Variants in TNFRSF11B observed in about 807,000 individuals in gnomAD.
TNFRSF11B encodes the protein tumor necrosis factor receptor superfamily member 11B.
Under a neutral mutation model 43.4 loss-of-function variants are expected in TNFRSF11B, and 16 were observed. That is an observed-to-expected ratio of 0.37 (90% CI 0.25 to 0.56). The LOEUF is 0.56. Ranked by LOEUF, TNFRSF11B falls within the 20% of genes least tolerant of loss-of-function variation. TNFRSF11B has a pLI of 0.80. For synonymous variants in TNFRSF11B, 185 were observed against 181.8 expected (o/e 1.02, Z -0.14); for missense variants, 444 against 490.1 (o/e 0.91, Z 0.89).
At chr8:118,932,224 G>C (rs896471602) in intron 2 of TNFRSF11B, among the ~76,000 whole-genome samples, 1 of 152,190 alleles carries the variant, frequency 6.6e-6, no homozygotes, top group Non-Finnish European at 1.5e-5. Context: ...TGGGTTACTG[G>C]TTTAAAAGAT....
chr8:118,936,013 G>A (rs1373361935), intron 1 of TNFRSF11B, among the ~76,000 whole-genome samples: 1 of 152,192 alleles, frequency 6.6e-6, no homozygotes, highest in East Asian at 1.9e-4. Flanking sequence ...CACAGATGGT[G>A]CCTGTGATCT....
At chr8:118,944,948 A>G (rs1201872379) in intron 1 of TNFRSF11B, among the ~76,000 whole-genome samples, 1 of 152,158 alleles carries the variant, frequency 6.6e-6, no homozygotes, top group Admixed American at 6.6e-5. Flanking sequence ...TATGAAAAAT[A>G]TGCACATTCA....
chr8:118,925,078 T>G (rs1812230097), intron 4 of TNFRSF11B, among the ~76,000 whole-genome samples: 1 of 152,150 alleles, frequency 6.6e-6, no homozygotes, highest in Non-Finnish European at 1.5e-5. Flanking sequence ...TTTGAGAAAT[T>G]AAAACCATAA....
rs1812210350 is a variant in TNFRSF11B, at chr8:118,923,687, A to G, written c.*687T>C. ...TAATTTATATTTCATATGTTTTCCA[A>G]CATTAAACAATTGACTAAATAATGC... On this transcript the variant is annotated 3_prime_UTR_variant, in exon 5 of 5. Transcript: ENST00000297350. 1 of 152,640 alleles carries G rather than the reference A, an allele frequency of 6.6e-6. No homozygotes were observed. Among genetic ancestry groups the G allele is most frequent in the Non-Finnish European group, 1.5e-5 (1 of 68,036 alleles). The allele number at this position is 152,640 out of a possible 1,614,324, so 9.5% of individuals were successfully genotyped here. A position where few individuals can be genotyped will look rare whatever the true frequency, so the allele number is the denominator to read the frequency against.
At chr8:118,939,655 A>G (rs1812452233) in intron 1 of TNFRSF11B, among the ~76,000 whole-genome samples, 1 of 152,200 alleles carries the variant, frequency 6.6e-6, no homozygotes, top group Non-Finnish European at 1.5e-5. Flanking sequence ...ATGAAGAAAG[A>G]GAAGGAATTT....
chr8:118,927,739 A>G (rs1278446914), intron 3 of TNFRSF11B, among the ~76,000 whole-genome samples: 1 of 152,148 alleles, frequency 6.6e-6, no homozygotes, highest in East Asian at 1.9e-4. Flanking sequence ...GGTTTATACC[A>G]TTGCTTGATT....
In TNFRSF11B at chr8:118,951,879, C is replaced by A. The variant is rs1052998392; in HGVS notation, c.-58G>T. ...CGGCGGCTGGGCGAGCGCTCCGGTG[C>A]GTCTCCGCAGCCCGTGCGCTCATCA... On this transcript the variant is annotated 5_prime_UTR_variant, in exon 1 of 5. Transcript: ENST00000297350. 1.6e-5 allele frequency: 24 copies of A among 1,485,938 alleles called. No homozygotes were observed. The highest frequency in any genetic ancestry group is 1.3e-4 in the African/African-American group (9 of 71,480). 92.0% of individuals were successfully genotyped at this position (1,485,938 alleles called of 1,614,324 possible). A position where few individuals can be genotyped will look rare whatever the true frequency, so the allele number is the denominator to read the frequency against.
At position 118,930,707 on chromosome 8, in the gene TNFRSF11B, G is replaced by A. The variant is rs150306342; in HGVS notation, c.401-1778C>T. 544 of 445,400 alleles carry A rather than the reference G, an allele frequency of 1.2e-3. 5 individuals carry two copies. In the East Asian group the frequency reaches 0.024, roughly 19 times the overall value. The allele number at this position is 445,400 out of a possible 1,614,324, so 27.6% of individuals were successfully genotyped here. Reference sequence around the variant, plus strand: ...GATTACAGATGTGAGCCACCGTGCCGGGCCTAAGAATCTTGTTCATTCTTC... The same window carrying A: ...GATTACAGATGTGAGCCACCGTGCCAGGCCTAAGAATCTTGTTCATTCTTC... On this transcript the variant is annotated intron_variant, in intron 2 of 4. Coordinates refer to ENST00000297350, the MANE Select transcript of TNFRSF11B (RefSeq NM_002546.4).
At chr8:118,947,486 T>TG (rs1241175128) in intron 1 of TNFRSF11B, among the ~76,000 whole-genome samples, 4 of 152,148 alleles carry the variant, frequency 2.6e-5, no homozygotes, top group East Asian at 3.9e-4. Flanking sequence ...TAGGAATCTG[T>TG]GGGGGCATTT....
intron 1 of TNFRSF11B, among the ~76,000 whole-genome samples, chr8:118,945,582 C>T (rs1812549960): frequency 1.3e-5 from 2 of 152,112 alleles, no homozygotes; most frequent in Non-Finnish European, 2.9e-5. Context: ...CACCATGACC[C>T]ACAACTGAAT....
intron 1 of TNFRSF11B, among the ~76,000 whole-genome samples, chr8:118,943,300 A>AAAT (rs1489543361): frequency 6.6e-6 from 1 of 152,146 alleles, no homozygotes; most frequent in Non-Finnish European, 1.5e-5. Flanking sequence ...AGGCAAGAGC[A>AAAT]TTTAATTGCT....
At chr8:118,951,742 C>A (rs1231388286) in intron 1 of TNFRSF11B, 50 bp downstream of exon 1, 1 of 1,547,622 alleles carries the variant, frequency 6.5e-7, no homozygotes, top group South Asian at 1.2e-5. Context: ...GACCAGGTGG[C>A]AGCAGCCTCC....
chr8:118,933,348 G>A (rs1352150433), intron 1 of TNFRSF11B, 48 bp from the exon 2 acceptor site: 3 of 1,606,680 alleles, frequency 1.9e-6, no homozygotes, highest in East Asian at 4.5e-5. Flanking sequence ...ATGAAAATAG[G>A]TTTGTTCTTA....
At chr8:118,949,135 C>T (rs1272045249) in intron 1 of TNFRSF11B, among the ~76,000 whole-genome samples, 1 of 152,120 alleles carries the variant, frequency 6.6e-6, no homozygotes, top group Non-Finnish European at 1.5e-5. Flanking sequence ...GACATTAGTA[C>T]TAATGACAAC....
In TNFRSF11B at chr8:118,927,871, C is replaced by T. The variant is rs568679200; in HGVS notation, c.592+867G>A. On this transcript the variant is annotated intron_variant, in intron 3 of 4. Transcript: ENST00000297350. The stretch of plus-strand genomic sequence containing the variant: ...TAGCCTGATGAATTGTCATCACTAC[C>T]GTGGAATGCATTCGAATAACCTGAA... 4.6e-5 allele frequency among the ~76,000 whole-genome samples: 7 copies of T among 152,220 alleles called. No homozygotes were observed. The East Asian group carries it at 5.8e-4, about 13-fold the overall frequency.
rs1441508848 is a variant in TNFRSF11B at position 118,924,153 on chromosome 8, T to C, written c.*221A>G. On this transcript the variant is annotated 3_prime_UTR_variant, in exon 5 of 5. Coordinates refer to ENST00000297350, the MANE Select transcript of TNFRSF11B (RefSeq NM_002546.4). The stretch of plus-strand genomic sequence containing the variant: ...CAGTAATAAGGGAAAATATAGTCAG[T>C]AGATAACGATCCAGATCTGACAGTT... 1 of 532,888 alleles carries C rather than the reference T, an allele frequency of 1.9e-6. No individual in the cohort carries two copies. The highest frequency in any genetic ancestry group is 3.2e-5 in the East Asian group (1 of 31,422). The allele number at this position is 532,888 out of a possible 1,614,324, so 33.0% of individuals were successfully genotyped here.
chr8:118,932,239 T>C (rs1273891791), intron 2 of TNFRSF11B, among the ~76,000 whole-genome samples: 2 of 152,198 alleles, frequency 1.3e-5, no homozygotes, highest in African/African-American at 4.8e-5. Context: ...AAAGATTCAA[T>C]ACACATGAGC....
chr8:118,924,685 T>A lies in TNFRSF11B; in HGVS notation c.895A>T (p.Met299Leu), dbSNP rs878963228. Residue 299 changes from methionine (M) to leucine (L), a missense_variant, in exon 5 of 5, where the codon ATG (methionine) becomes TTG (leucine). Physicochemically the swap from Met to Leu is conservative, Grantham distance 15. Transcript: ENST00000297350. ...ACTTTCTTTCCCGGTAAGCTTTCCA[T>A]CAAGCTACGAAGCTGCTCGAAGGTG... ...NLTFEQLRSLMESLPGKKVGA... is the reference protein window; with the variant it reads ...NLTFEQLRSLLESLPGKKVGA... 7 of 1,614,226 alleles carry A rather than the reference T, an allele frequency of 4.3e-6. No homozygotes were observed. In the South Asian group the frequency reaches 6.6e-5, roughly 15 times the overall value.
At position 118,933,165 on chromosome 8, in the gene TNFRSF11B, C is replaced by G; in HGVS notation, c.166G>C (p.Ala56Pro). ...PGTYLKQHCT[A>P]KWKTVCAPCP... ...GGGGCGCACACGGTCTTCCACTTTG[C>G]TGTACAGTGTTGTTTTAGGTAGGTA... The change falls in exon 2 of 5, where the codon GCA becomes CCA. Residue 56 changes from alanine (A) to proline (P), a missense_variant. Ala to Pro is a conservative substitution (Grantham distance 27, BLOSUM62 -1). Coordinates refer to ENST00000297350, the MANE Select transcript of TNFRSF11B (RefSeq NM_002546.4). 6.2e-7 allele frequency: 1 copy of G among 1,614,176 alleles called. No individual in the cohort carries two copies. Among genetic ancestry groups the G allele is most frequent in the Non-Finnish European group, 8.5e-7 (1 of 1,180,024 alleles).
Sources: allele counts gnomAD v4.1 joint callset (sites outside exome capture counted in the v4.1 genomes callset), GRCh38; gene constraint gnomAD v4.1.1; transcripts MANE v1.5; gene names NCBI Gene and HGNC (gene_info 2026-07-23, HGNC 2026-07-21).